Variants in NWD1 observed in about 807,000 individuals in gnomAD.
NWD1 encodes NACHT and WD repeat domain containing 1.
Under a neutral mutation model 135.1 loss-of-function variants are expected in NWD1, and 129 were observed. That is an observed-to-expected ratio of 0.96 (90% CI 0.83 to 1.11). The LOEUF is 1.11. Ranked by LOEUF, NWD1 falls within the 50% of genes least tolerant of loss-of-function variation. The pLI, the probability that NWD1 is intolerant of heterozygous loss-of-function variation, is 0.00. For synonymous variants in NWD1, 773 were observed against 786.0 expected, an observed-to-expected ratio of 0.98 and a Z score of 0.28; for missense variants, 1,740 against 1,851.3, an observed-to-expected ratio of 0.94 and a Z score of 1.10.
At chr19:16,744,814 T>C in intron 5 of NWD1, 96 bp downstream of exon 5, 1 of 1,093,098 alleles carries the variant, frequency 9.1e-7, no homozygotes, top group Non-Finnish European at 1.3e-6. Flanking sequence ...ACAGTCTGCA[T>C]TTCTTGCAAA....
chr19:16,723,388 G>A (rs565817609), intron 1 of NWD1, among the ~76,000 whole-genome samples: 1 of 152,216 alleles, frequency 6.6e-6, no homozygotes, highest in African/African-American at 2.4e-5. Context: ...TTGTAGAAAT[G>A]GGGTTTCACC....
chr19:16,747,029 C>T (rs1968350134), intron 5 of NWD1, among the ~76,000 whole-genome samples: 1 of 142,132 alleles, frequency 7.0e-6, no homozygotes, highest in Non-Finnish European at 1.5e-5. Flanking sequence ...AAGATATTTT[C>T]TTTTTCTTTC....
chr19:16,779,325 G>A lies in NWD1; in HGVS notation c.2609-18G>A. 1 of 1,613,604 alleles carries A rather than the reference G, an allele frequency of 6.2e-7. No homozygotes were observed. Among genetic ancestry groups the A allele is most frequent in the Non-Finnish European group, 8.5e-7 (1 of 1,179,960 alleles). On this transcript the variant is annotated intron_variant, in intron 11 of 18. Coordinates refer to ENST00000524140, the MANE Select transcript of NWD1 (RefSeq NM_001007525.5). ...CACAGGAACTGAGATCATTGCTGTTGCCTCTGTGTGGCTGCAGGCATCACC... is the reference window on the plus strand; with the variant it reads ...CACAGGAACTGAGATCATTGCTGTTACCTCTGTGTGGCTGCAGGCATCACC...
Position 16,735,512 on chromosome 19 carries a change from C to CA in NWD1, c.82-1111dup, listed in dbSNP as rs961533890. Reference sequence around the variant, plus strand: ...CAGAGCAAGACTCTGTCCCCCTGACCAAAAAAAAAAAGAAAGAAAGAAAGA... The same window carrying CA: ...CAGAGCAAGACTCTGTCCCCCTGACCAAAAAAAAAAAAGAAAGAAAGAAAGA... On this transcript the variant is annotated intron_variant, in intron 3 of 18. Transcript: ENST00000524140. Among the ~76,000 whole-genome samples, 375 of 130,154 alleles carry CA rather than the reference C, an allele frequency of 2.9e-3. 1 individual carries two copies. The highest frequency in any genetic ancestry group is 0.017 in the Middle Eastern group (4 of 232). 85.4% of individuals were successfully genotyped at this position (130,154 alleles called of 152,430 possible).
chr19:16,802,522 C>G (rs1326643215), intron 17 of NWD1, among the ~76,000 whole-genome samples: 1 of 150,926 alleles, frequency 6.6e-6, no homozygotes, highest in African/African-American at 2.4e-5. Context: ...CTTCCTCTGG[C>G]CGTATGACCT....
At chr19:16,801,840 G>A (rs1405399459) in intron 17 of NWD1, 1 of 152,236 alleles carries the variant, frequency 6.6e-6, no homozygotes, top group Non-Finnish European at 1.5e-5. Context: ...TGGCAAGGCA[G>A]TGGTGGTGGT....
rs1447453218 is a variant in NWD1, at chr19:16,725,350, C to T, written c.-7+887C>T. Among the ~76,000 whole-genome samples the T allele has an allele frequency of 5.9e-5, 9 of 151,282 alleles. No individual in the cohort carries two copies. The East Asian group carries it at 1.6e-3, about 26-fold the overall frequency. On this transcript the variant is annotated intron_variant, in intron 2 of 18. Transcript: ENST00000524140. ...TTAATTAACCAGACGTGATGGTGCA[C>T]ACCTGTAGTCCCAGCTACTTGGGAG... is the stretch of plus-strand genomic sequence containing the variant.
Position 16,815,244 on chromosome 19 carries a change from G to C in NWD1, c.*205G>C. 1 of 783,660 alleles carries C rather than the reference G, an allele frequency of 1.3e-6. No individual in the cohort carries two copies. The highest frequency in any genetic ancestry group is 2.4e-6 in the Non-Finnish European group (1 of 420,548). 48.5% of individuals were successfully genotyped at this position (783,660 alleles called of 1,614,324 possible). A position where few individuals can be genotyped will look rare whatever the true frequency, so the allele number is the denominator to read the frequency against. On this transcript the variant is annotated 3_prime_UTR_variant, in exon 19 of 19. Transcript: ENST00000524140. ...AGAGAGGAGCTAGTTGCAGCTGCAGGAGCTCCCCAGGACTTGGAGTCAGAA... is the reference window on the plus strand; with the variant it reads ...AGAGAGGAGCTAGTTGCAGCTGCAGCAGCTCCCCAGGACTTGGAGTCAGAA...
chr19:16,731,189 C>T lies in NWD1; in HGVS notation c.-6-3C>T. ...CTAATACCCTCCATGCCCTTCCTTG[C>T]AGATATGGATGCAGAGAGGGAAGCC... On this transcript the variant is annotated splice_region_variant and splice_polypyrimidine_tract_variant and intron_variant, in intron 2 of 18. Transcript: ENST00000524140. 1 of 1,510,028 alleles carries T rather than the reference C, an allele frequency of 6.6e-7. No homozygotes were observed. The allele number at this position is 1,510,028 out of a possible 1,614,324, so 93.5% of individuals were successfully genotyped here.
At chr19:16,750,472 G>T in intron 6 of NWD1, 61 bp downstream of exon 6, 1 of 1,304,226 alleles carries the variant, frequency 7.7e-7, no homozygotes, top group South Asian at 1.6e-5. Context: ...TTTATTTTTA[G>T]AGATGGAGGT....
chr19:16,811,381 C>T (rs182631720), intron 18 of NWD1, among the ~76,000 whole-genome samples: 85 of 151,786 alleles, frequency 5.6e-4, no homozygotes, highest in African/African-American at 2.0e-3. Flanking sequence ...GTCAGGAGTT[C>T]GAGACCAGCC....
Position 16,755,411 on chromosome 19 carries a change from CAG to C in NWD1, c.1770-3811_1770-3810del, listed in dbSNP as rs1306779054. On this transcript the variant is annotated intron_variant, in intron 6 of 18. Transcript: ENST00000524140. ...TATTTCTTCTTTTTTTTCTTTGAGACAGAGTCTCACTCTGTTGCTTAGCCTGG... is the reference window on the plus strand; with the variant it reads ...TATTTCTTCTTTTTTTTCTTTGAGACAGTCTCACTCTGTTGCTTAGCCTGG... Among the ~76,000 whole-genome samples the C allele has an allele frequency of 5.3e-5, 8 of 152,112 alleles. No individual in the cohort carries two copies. In the East Asian group the frequency reaches 9.7e-4, roughly 18 times the overall value.
At chr19:16,806,377 C>A (rs1217898491) in intron 17 of NWD1, among the ~76,000 whole-genome samples, 1 of 152,138 alleles carries the variant, frequency 6.6e-6, no homozygotes. Context: ...CCTGAAATGG[C>A]CCCAGTCAAT....
intron 12 of NWD1, among the ~76,000 whole-genome samples, chr19:16,787,955 G>T (rs537460392): frequency 7.2e-6 from 1 of 139,260 alleles, no homozygotes; most frequent in Non-Finnish European, 1.5e-5. Context: ...TAGGCCAGGC[G>T]CGGCGGCTCA....
rs763850980 is a variant in NWD1, at chr19:16,791,403, T to C, written c.2994T>C (p.Asp998=). 1 of 1,614,004 alleles carries C rather than the reference T, an allele frequency of 6.2e-7. No homozygotes were observed. The highest frequency in any genetic ancestry group is 1.7e-5 in the Admixed American group (1 of 60,000). The change falls in exon 14 of 19, where the codon GAT becomes GAC. Residue 998 remains aspartate, a synonymous_variant. Transcript: ENST00000524140. ...AGCCGGTATTCCATATCCTGGGAGA[T>C]GCCTCTGATCCTTGGATGTGCATGG... ...TAEPVFHILG[D]ASDPWMCMAV...
In NWD1 at chr19:16,765,329, G is replaced by A. The variant is rs923006972; in HGVS notation, c.2410+137G>A. ...GTCTAAACATGTGAATTTTCCCCCA[G>A]CAGTGCTTCTAGAATTTTTTTTGAC... On this transcript the variant is annotated intron_variant, in intron 10 of 18. Transcript: ENST00000524140. 4 of 906,416 alleles carry A rather than the reference G, an allele frequency of 4.4e-6. No homozygotes were observed. The African/African-American group carries it at 6.8e-5, about 15-fold the overall frequency. 56.1% of individuals were successfully genotyped at this position (906,416 alleles called of 1,614,324 possible). A position where few individuals can be genotyped will look rare whatever the true frequency, so the allele number is the denominator to read the frequency against.
At chr19:16,806,165 G>A (rs1210538397) in intron 17 of NWD1, among the ~76,000 whole-genome samples, 1 of 152,190 alleles carries the variant, frequency 6.6e-6, no homozygotes, top group Non-Finnish European at 1.5e-5. Flanking sequence ...GAGTCACCAC[G>A]CCCTGCCATT....
chr19:16,749,202 T>C lies in NWD1; in HGVS notation c.560T>C (p.Val187Ala), dbSNP rs769232322. The C allele has an allele frequency of 3.1e-6, 5 of 1,613,650 alleles. No individual in the cohort carries two copies. The highest frequency in any genetic ancestry group is 4.2e-6 in the Non-Finnish European group (5 of 1,179,778). The change falls in exon 6 of 19, where the codon GTC becomes GCC. Residue 187 changes from valine to alanine, a missense_variant. Coordinates refer to ENST00000524140, the MANE Select transcript of NWD1 (RefSeq NM_001007525.5). ...GAGGACCGGGAACAGGGAGCCACCGTCTTCCTTAGAGAGATCCAAGACCTC... is the reference window on the plus strand; with the variant it reads ...GAGGACCGGGAACAGGGAGCCACCGCCTTCCTTAGAGAGATCCAAGACCTC... ...SSEDREQGAT[V>A]FLREIQDLHK...
At chr19:16,793,588 T>C (rs1040931623) in intron 14 of NWD1, among the ~76,000 whole-genome samples, 1 of 151,778 alleles carries the variant, frequency 6.6e-6, no homozygotes, top group Non-Finnish European at 1.5e-5. Flanking sequence ...TGGTTGTTTT[T>C]TTTTTTGAGA....
Sources: allele counts gnomAD v4.1 joint callset (sites outside exome capture counted in the v4.1 genomes callset), GRCh38; gene constraint gnomAD v4.1.1; transcripts MANE v1.5; gene names NCBI Gene and HGNC (gene_info 2026-07-23, HGNC 2026-07-21).